The following NFATC2 variants were observed in gnomAD, a reference collection of about 807,000 sequenced individuals.
The protein encoded by NFATC2 is nuclear factor of activated T-cells, cytoplasmic 2.
Under a neutral mutation model 87.3 loss-of-function variants are expected in NFATC2, and 22 were observed. That is an observed-to-expected ratio of 0.25 (90% CI 0.18 to 0.36). The LOEUF is 0.36. NFATC2 is among the 10% of genes least tolerant of loss of function. The pLI is 1.00. For synonymous variants in NFATC2, 565 were observed against 542.2 expected (o/e 1.04, Z -0.58); for missense variants, 1,149 against 1,259.1 (o/e 0.91, Z 1.32).
intron 5 of NFATC2, among the ~76,000 whole-genome samples, chr20:51,472,629 CTT>C (rs1223762055): frequency 0.13 from 12,185 of 91,842 alleles, 146 homozygotes; most frequent in Middle Eastern, 0.18. Flanking sequence ...CTTCTTTCTT[CTT>C]TTTTTTTTTT....
At chr20:51,551,750 G>A (rs995017517) in intron 1 of NFATC2, among the ~76,000 whole-genome samples, 3 of 151,914 alleles carry the variant, frequency 2.0e-5, no homozygotes, top group Admixed American at 6.6e-5. Context: ...ATATTAGGTC[G>A]CACACAGTGG....
rs1385564303 is a variant in NFATC2 at position 51,389,458 on chromosome 20, C to A, written c.*2038G>T. On this transcript the variant is annotated 3_prime_UTR_variant, in exon 11 of 11. Transcript: ENST00000371564. ...AGTCAATATTGCTGGAGAGAAAATTCTTTAGGTGAAGCTGCTAGTATAAGG... is the reference window on the plus strand; with the variant it reads ...AGTCAATATTGCTGGAGAGAAAATTATTTAGGTGAAGCTGCTAGTATAAGG... 1 of 152,148 alleles carries A rather than the reference C, an allele frequency of 6.6e-6. No homozygotes were observed. Among genetic ancestry groups the A allele is most frequent in the Non-Finnish European group, 1.5e-5 (1 of 68,028 alleles). 9.4% of individuals were successfully genotyped at this position (152,148 alleles called of 1,614,324 possible).
intron 9 of NFATC2, among the ~76,000 whole-genome samples, chr20:51,401,381 G>GTGTT (rs1988027323): frequency 6.6e-6 from 1 of 151,928 alleles, no homozygotes; most frequent in Non-Finnish European, 1.5e-5. Context: ...TCATTGGCAT[G>GTGTT]TGTTTATTAA....
chr20:51,479,061 C>T (rs954163572), intron 3 of NFATC2, among the ~76,000 whole-genome samples: 1 of 152,162 alleles, frequency 6.6e-6, no homozygotes, highest in East Asian at 1.9e-4. Context: ...ACGTTTCCAG[C>T]CGTAGTGGGA....
chr20:51,402,541 A>G (rs913557752), intron 9 of NFATC2, among the ~76,000 whole-genome samples: 5 of 152,246 alleles, frequency 3.3e-5, no homozygotes, highest in African/African-American at 1.2e-4. Flanking sequence ...TAGGAAACAA[A>G]CAGTAATTCA....
At chr20:51,507,786 C>T (rs1365187277) in intron 3 of NFATC2, among the ~76,000 whole-genome samples, 4 of 152,232 alleles carry the variant, frequency 2.6e-5, no homozygotes, top group African/African-American at 4.8e-5. Context: ...CAAGCAGCAT[C>T]GCGCGCTGGC....
intron 5 of NFATC2, among the ~76,000 whole-genome samples, chr20:51,469,361 A>G (rs1881175030): frequency 6.6e-6 from 1 of 152,200 alleles, no homozygotes; most frequent in Non-Finnish European, 1.5e-5. Flanking sequence ...ATTCTAACAT[A>G]CAGTCAAGTT....
chr20:51,391,154 A>C lies in NFATC2; in HGVS notation c.*342T>G, dbSNP rs1986270639. ...AGCAGGTGCTTACTATTTGGACGGA[A>C]CACCATTAAGATCAACCAGGATGCT... On this transcript the variant is annotated 3_prime_UTR_variant, in exon 11 of 11. Coordinates refer to ENST00000371564, the MANE Select transcript of NFATC2 (RefSeq NM_012340.5). 7.5e-6 allele frequency: 5 copies of C among 662,372 alleles called. No individual in the cohort carries two copies. Among genetic ancestry groups the C allele is most frequent in the Non-Finnish European group, 1.4e-5 (5 of 359,406 alleles). 41.0% of individuals were successfully genotyped at this position (662,372 alleles called of 1,614,324 possible). A position where few individuals can be genotyped will look rare whatever the true frequency, so the allele number is the denominator to read the frequency against.
Position 51,542,378 on chromosome 20 carries a change from G to A in NFATC2, c.122C>T (p.Pro41Leu). 1.9e-6 allele frequency: 3 copies of A among 1,607,474 alleles called. No individual in the cohort carries two copies. Among genetic ancestry groups the A allele is most frequent in the Non-Finnish European group, 2.5e-6 (3 of 1,176,780 alleles). ...SILFDYEYLN[P>L]NEEEPNAHKV... is the part of the protein sequence containing the mutation. ...GGGTAGCCTCCACCGACCTTCGTTC[G>A]GATTCAAATACTCATAGTCGAAGAG... is the stretch of plus-strand genomic sequence containing the variant. The change falls in exon 1 of 11, where the codon CCG becomes CTG. Residue 41 changes from proline (P) to leucine (L), a missense_variant. By Grantham distance (98) the Pro-to-Leu change is moderately conservative. Coordinates refer to ENST00000371564, the MANE Select transcript of NFATC2 (RefSeq NM_012340.5).
intron 1 of NFATC2, among the ~76,000 whole-genome samples, chr20:51,536,845 G>A (rs374070184): frequency 7.2e-5 from 11 of 152,124 alleles, no homozygotes; most frequent in African/African-American, 2.7e-4. Flanking sequence ...AATGTCACAT[G>A]TGTTTAGTGA....
At chr20:51,406,124 T>G (rs553445761) in intron 9 of NFATC2, among the ~76,000 whole-genome samples, 6 of 152,310 alleles carry the variant, frequency 3.9e-5, no homozygotes, top group African/African-American at 1.4e-4. Context: ...GAAGTAGGTA[T>G]TGACTGCCCC....
intron 10 of NFATC2, among the ~76,000 whole-genome samples, chr20:51,396,186 C>CTAAAAGCTAAAACTGACTTCTGT (rs1987110433): frequency 6.6e-6 from 1 of 151,162 alleles, no homozygotes; most frequent in African/African-American, 2.4e-5. Context: ...TACTGGATTT[C>CTAAAAGCTAAAACTGACTTCTGT]TAAAAGCTAA....
Position 51,411,516 on chromosome 20 carries a change from C to CTTTTTTT in NFATC2, c.2723-12793_2723-12787dup, listed in dbSNP as rs67935951. 5.8e-4 allele frequency among the ~76,000 whole-genome samples: 51 copies of CTTTTTTT among 87,248 alleles called. 3 individuals carry two copies. Among genetic ancestry groups the CTTTTTTT allele is most frequent in the African/African-American group, 1.8e-3 (42 of 23,962 alleles). 57.2% of individuals were successfully genotyped at this position (87,248 alleles called of 152,430 possible). A position where few individuals can be genotyped will look rare whatever the true frequency, so the allele number is the denominator to read the frequency against. On this transcript the variant is annotated intron_variant, in intron 9 of 10. Transcript: ENST00000371564. ...CAAGGTCCTGAAGCAATGCAATTGTCTTTTTTTTTTTTTTTTTTTTTTTTT... is the reference window on the plus strand; with the variant it reads ...CAAGGTCCTGAAGCAATGCAATTGTCTTTTTTTTTTTTTTTTTTTTTTTTTTTTTTTT...
chr20:51,542,451 C>G lies in NFATC2; in HGVS notation c.49G>C (p.Gly17Arg), dbSNP rs902213944. Reference protein sequence around the residue: ...QPQPDGGDAPGHEPGGSPQDE... With the variant: ...QPQPDGGDAPRHEPGGSPQDE... The stretch of plus-strand genomic sequence containing the variant: ...TGGGGGCTGCCCCCAGGCTCGTGGC[C>G]TGGGGCGTCCCCGCCGTCGGGTTGG... Residue 17 changes from glycine to arginine, a missense_variant, in exon 1 of 11, where the codon GGC (glycine) becomes CGC (arginine). By Grantham distance (125) the Gly-to-Arg change is moderately radical (BLOSUM62 -2). Around this residue, in one of 3 missense-constraint regions of NFATC2, gnomAD observed 563 missense variants for 585.2 expected, o/e 0.96. Coordinates refer to ENST00000371564, the MANE Select transcript of NFATC2 (RefSeq NM_012340.5). 13 of 1,578,022 alleles carry G rather than the reference C, an allele frequency of 8.2e-6. No individual in the cohort carries two copies. Among genetic ancestry groups the G allele is most frequent in the Non-Finnish European group, 1.1e-5 (13 of 1,165,682 alleles).
chr20:51,503,093 A>G (rs2076117310), intron 3 of NFATC2, among the ~76,000 whole-genome samples: 1 of 152,220 alleles, frequency 6.6e-6, no homozygotes, highest in Non-Finnish European at 1.5e-5. Context: ...CCTCAAGCAC[A>G]AACACAGACT....
At chr20:51,414,605 A>C (rs1979769749) in intron 9 of NFATC2, among the ~76,000 whole-genome samples, 2 of 151,962 alleles carry the variant, frequency 1.3e-5, no homozygotes, top group South Asian at 4.2e-4. Flanking sequence ...AGGAGAATCA[A>C]CTGAACCCAG....
intron 5 of NFATC2, among the ~76,000 whole-genome samples, chr20:51,466,615 T>C (rs1044486963): frequency 2.0e-5 from 3 of 151,948 alleles, no homozygotes; most frequent in Admixed American, 6.6e-5. Context: ...GCCCCAAACA[T>C]GAAACCAGAA....
At chr20:51,561,484 A>AAAGAAAGCAAGCAAGC (rs2077029945) in intron 1 of NFATC2, among the ~76,000 whole-genome samples, 19 of 90,050 alleles carry the variant, frequency 2.1e-4, no homozygotes, top group East Asian at 9.9e-4. Flanking sequence ...AGAAAGAAAG[A>AAAGAAAGCAAGCAAGC]AAGCAAGCAA....
At chr20:51,491,366 A>C (rs1242369366) in intron 3 of NFATC2, among the ~76,000 whole-genome samples, 2 of 152,116 alleles carry the variant, frequency 1.3e-5, no homozygotes, top group Admixed American at 1.3e-4. Flanking sequence ...GCATTCGTTC[A>C]GGTAGCCCGT....
Sources: gnomAD v4.1 joint callset for allele counts (sites outside exome capture counted in the v4.1 genomes callset) on GRCh38, gnomAD v4.1.1 for gene constraint, gnomAD v4.1.1 regional missense constraint, MANE v1.5 for transcripts, NCBI Gene and HGNC (gene_info 2026-07-23, HGNC 2026-07-21) for gene names.